The following TLL2 variants were observed in gnomAD, a reference collection of about 807,000 sequenced individuals.
The protein encoded by TLL2 is tolloid like 2, also known as tolloid-like protein 2.
In TLL2, 106 loss-of-function variants were observed where a neutral mutation model predicts 123.0. That is an observed-to-expected ratio of 0.86 (90% CI 0.74 to 1.01). The LOEUF is 1.01. Among genes scored for constraint, TLL2 ranks in the 50% least tolerant of loss-of-function variants. The pLI is 0.00. For synonymous variants in TLL2, 494 were observed against 516.8 expected (o/e 0.96, Z 0.60); for missense variants, 1,332 against 1,336.7 (o/e 1.00, Z 0.06).
At chr10:96,451,756 G>C (rs1162483046) in intron 2 of TLL2, among the ~76,000 whole-genome samples, 1 of 152,174 alleles carries the variant, frequency 6.6e-6, no homozygotes, top group Non-Finnish European at 1.5e-5. Context: ...CTGAGGCTTA[G>C]AGCAGTTAAG....
chr10:96,476,016 G>T (rs6584076), intron 2 of TLL2, among the ~76,000 whole-genome samples: 1 of 150,782 alleles, frequency 6.6e-6, no homozygotes, highest in Admixed American at 6.6e-5. Context: ...CCAGCCACGT[G>T]GAACAGTGAG....
intron 16 of TLL2, among the ~76,000 whole-genome samples, chr10:96,381,428 C>A (rs956134184): frequency 1.3e-5 from 2 of 152,198 alleles, no homozygotes; most frequent in Admixed American, 6.5e-5. Context: ...TGGGTCAGGG[C>A]TCCATGCAGG....
At chr10:96,499,675 T>C (rs1847512576) in intron 1 of TLL2, among the ~76,000 whole-genome samples, 5 of 152,162 alleles carry the variant, frequency 3.3e-5, no homozygotes, top group Admixed American at 3.3e-4. Context: ...AATTTGTTTG[T>C]GGCAAATATG....
chr10:96,413,109 T>C, intron 8 of TLL2, 83 bp downstream of exon 8: 1 of 1,569,102 alleles, frequency 6.4e-7, no homozygotes, highest in Non-Finnish European at 8.7e-7. Context: ...TCCCTTTAGG[T>C]CCCCCAAGTT....
intron 18 of TLL2, 68 bp from the exon 19 acceptor site, chr10:96,373,877 A>T: frequency 6.9e-7 from 1 of 1,457,846 alleles, no homozygotes; most frequent in Non-Finnish European, 9.4e-7. Flanking sequence ...CCTCCTTTCC[A>T]GTTCTGGGAC....
intron 7 of TLL2, among the ~76,000 whole-genome samples, chr10:96,417,612 GC>G (rs1846576119): frequency 1.3e-5 from 2 of 152,190 alleles, no homozygotes. Context: ...CAGAGCTGGG[GC>G]CTTAAGAGGC....
At chr10:96,392,297 G>C (rs902482532) in intron 13 of TLL2, among the ~76,000 whole-genome samples, 1 of 152,116 alleles carries the variant, frequency 6.6e-6, no homozygotes, top group Non-Finnish European at 1.5e-5. Flanking sequence ...GGCATCTCCA[G>C]TAAGTTTTCC....
intron 2 of TLL2, among the ~76,000 whole-genome samples, chr10:96,448,643 A>G (rs564833954): frequency 7.9e-5 from 12 of 152,274 alleles, no homozygotes; most frequent in African/African-American, 2.9e-4. Context: ...AGGGTAGGGG[A>G]AAAAATGACA....
At chr10:96,478,635 A>G (rs1016937058) in intron 2 of TLL2, among the ~76,000 whole-genome samples, 18 of 152,248 alleles carry the variant, frequency 1.2e-4, no homozygotes, top group African/African-American at 4.3e-4. Flanking sequence ...ATACAATAGA[A>G]TACTGCATAA....
chr10:96,429,224 C>T (rs1846711294), intron 4 of TLL2, among the ~76,000 whole-genome samples: 1 of 152,100 alleles, frequency 6.6e-6, no homozygotes, highest in African/African-American at 2.4e-5. Context: ...ATTTTGTGTC[C>T]TCACCAGCCC....
At chr10:96,485,488 G>GA (rs1847347599) in intron 1 of TLL2, among the ~76,000 whole-genome samples, 1 of 151,934 alleles carries the variant, frequency 6.6e-6, no homozygotes, top group Non-Finnish European at 1.5e-5. Context: ...CAAAGGATTT[G>GA]AAAAAACACA....
At chr10:96,373,439 C>T (rs1380575598) in intron 19 of TLL2, 157 bp downstream of exon 19, 2 of 710,534 alleles carry the variant, frequency 2.8e-6, no homozygotes, top group African/African-American at 1.8e-5. Context: ...CCACGCCCAG[C>T]TTGATGCTTC....
At chr10:96,464,999 A>G (rs963790953) in intron 2 of TLL2, among the ~76,000 whole-genome samples, 5 of 152,264 alleles carry the variant, frequency 3.3e-5, no homozygotes, top group African/African-American at 9.6e-5. Context: ...AGATTTACAG[A>G]TGTCTCAGAA....
At position 96,384,635 on chromosome 10, in the gene TLL2, A is replaced by T; in HGVS notation, c.2146T>A (p.Ser716Thr). ...QSNNMRVEFKSDNTVSKRGFR... is the reference protein window; with the variant it reads ...QSNNMRVEFKTDNTVSKRGFR... The stretch of plus-strand genomic sequence containing the variant: ...CCGCGCTTGGAGACGGTGTTGTCGG[A>T]CTTGAACTCCACGCGCATGTTGTTG... The change falls in exon 16 of 21, where the codon TCC becomes ACC. Residue 716 changes from serine to threonine, a missense_variant. Transcript: ENST00000357947. 1 of 1,610,970 alleles carries T rather than the reference A, an allele frequency of 6.2e-7. No homozygotes were observed. The highest frequency in any genetic ancestry group is 1.3e-5 in the African/African-American group (1 of 74,994).
In TLL2 at chr10:96,367,548, C is replaced by T. The variant is rs1169260326; in HGVS notation, c.*540G>A. On this transcript the variant is annotated 3_prime_UTR_variant, in exon 21 of 21. Transcript: ENST00000357947. ...TCTGTGCTCACTGCTCACTGTGATG[C>T]CTTTTTTTAGTCCTGACATCCATCC... is the stretch of plus-strand genomic sequence containing the variant. 6.5e-6 allele frequency: 1 copy of T among 153,970 alleles called. No individual in the cohort carries two copies. Among genetic ancestry groups the T allele is most frequent in the African/African-American group, 2.4e-5 (1 of 41,400 alleles). 9.5% of individuals were successfully genotyped at this position (153,970 alleles called of 1,614,324 possible).
intron 18 of TLL2, chr10:96,374,144 A>G (rs897216070): frequency 3.4e-6 from 1 of 294,686 alleles, no homozygotes; most frequent in Non-Finnish European, 6.5e-6. Flanking sequence ...ACACAGCCCA[A>G]ATCTGTCTTC....
intron 1 of TLL2, among the ~76,000 whole-genome samples, chr10:96,489,344 A>G (rs750187719): frequency 1.8e-4 from 28 of 151,872 alleles, no homozygotes; most frequent in Middle Eastern, 3.2e-3. Flanking sequence ...CTGGGCAACA[A>G]CGTGAGACCC....
intron 1 of TLL2, among the ~76,000 whole-genome samples, chr10:96,502,053 T>C (rs1028499450): frequency 6.6e-6 from 1 of 152,162 alleles, no homozygotes; most frequent in Admixed American, 6.5e-5. Context: ...AAAGGGGACC[T>C]GATTGAGACT....
intron 1 of TLL2, among the ~76,000 whole-genome samples, chr10:96,508,676 A>G (rs1407777841): frequency 6.6e-6 from 1 of 151,952 alleles, no homozygotes; most frequent in Non-Finnish European, 1.5e-5. Context: ...ACATACCCTC[A>G]GCTCACCTCT....
Sources: allele counts gnomAD v4.1 joint callset (sites outside exome capture counted in the v4.1 genomes callset), GRCh38; gene constraint gnomAD v4.1.1; transcripts MANE v1.5; gene names NCBI Gene and HGNC (gene_info 2026-07-23, HGNC 2026-07-21).